The following GPRC6A variants were observed in gnomAD, a reference collection of about 807,000 sequenced individuals.
GPRC6A encodes G protein-coupled receptor class C group 6 member A.
Under a neutral mutation model 47.0 loss-of-function variants are expected in GPRC6A, and 54 were observed. The ratio of observed to expected loss-of-function variants is 1.15; its 90% CI spans 0.92 to 1.44. GPRC6A has a LOEUF of 1.44. GPRC6A is among the 40% of genes most tolerant of loss of function. GPRC6A has a pLI of 0.00. For missense variants in GPRC6A, 1,112 were observed against 1,105.5 expected (o/e 1.01, Z -0.08); for synonymous variants, 347 against 377.1 (o/e 0.92, Z 0.93).
At chr6:116,814,912 AG>A (rs1369866041) in intron 1 of GPRC6A, among the ~76,000 whole-genome samples, 2 of 152,216 alleles carry the variant, frequency 1.3e-5, no homozygotes, top group African/African-American at 4.8e-5. Context: ...AAAAACCAAA[AG>A]TGAGCAGAAG....
intron 1 of GPRC6A, among the ~76,000 whole-genome samples, chr6:116,826,723 A>T (rs1381219652): frequency 8.6e-5 from 13 of 151,972 alleles, no homozygotes; most frequent in Non-Finnish European, 1.5e-5. Flanking sequence ...AAAGGAAATC[A>T]GTATACTAAA....
At chr6:116,802,799 ACTT>A (rs779723247) in intron 3 of GPRC6A, among the ~76,000 whole-genome samples, 12 of 152,146 alleles carry the variant, frequency 7.9e-5, no homozygotes, top group African/African-American at 2.6e-4. Flanking sequence ...CACTAGAAAC[ACTT>A]CTTCTTACTA....
At chr6:116,811,879 G>T (rs904621433) in intron 1 of GPRC6A, among the ~76,000 whole-genome samples, 3 of 151,968 alleles carry the variant, frequency 2.0e-5, no homozygotes, top group Admixed American at 6.6e-5. Context: ...ATGGTATATG[G>T]AACACCATGA....
At chr6:116,818,219 C>T (rs1486255101) in intron 1 of GPRC6A, among the ~76,000 whole-genome samples, 6 of 151,990 alleles carry the variant, frequency 3.9e-5, no homozygotes, top group African/African-American at 7.2e-5. Flanking sequence ...AGAGTGGGGG[C>T]CAATATTCAA....
At position 116,807,329 on chromosome 6, in the gene GPRC6A, T is replaced by G. The variant is rs929627725; in HGVS notation, c.499-123A>C. 3 of 651,864 alleles carry G rather than the reference T, an allele frequency of 4.6e-6. No individual in the cohort carries two copies. In the African/African-American group the frequency reaches 5.4e-5, roughly 12 times the overall value. 40.4% of individuals were successfully genotyped at this position (651,864 alleles called of 1,614,324 possible). A position where few individuals can be genotyped will look rare whatever the true frequency, so the allele number is the denominator to read the frequency against. ...ACTTTCCTTAAATTCTCTAGTCTTT[T>G]TCATCCTTCTCCTTACTTAGCCCCT... On this transcript the variant is annotated intron_variant, in intron 2 of 5. Coordinates refer to ENST00000310357, the MANE Select transcript of GPRC6A (RefSeq NM_148963.4).
intron 1 of GPRC6A, among the ~76,000 whole-genome samples, chr6:116,828,577 T>C (rs747899525): frequency 1.3e-5 from 2 of 152,048 alleles, no homozygotes; most frequent in African/African-American, 2.4e-5. Context: ...AAAGGCAAAA[T>C]CTAAATTAAT....
Position 116,793,022 on chromosome 6 carries a change from T to A in GPRC6A, c.1901A>T (p.Tyr634Phe). 6.2e-7 allele frequency: 1 copy of A among 1,614,076 alleles called. No individual in the cohort carries two copies. Reference sequence around the variant, plus strand: ...GAGGAAATGACAGAGAAGGATCACATAGCAGACTCTTAATCCCCCGGATGA... The same window carrying A: ...GAGGAAATGACAGAGAAGGATCACAAAGCAGACTCTTAATCCCCCGGATGA... ...VKSSGGLRVC[Y>F]VILLCHFLNF... Residue 634 changes from tyrosine to phenylalanine, a missense_variant, in exon 6 of 6, where the codon TAT becomes TTT. Physicochemically the swap from Tyr to Phe is conservative, Grantham distance 22 (BLOSUM62 3). Transcript: ENST00000310357.
intron 4 of GPRC6A, among the ~76,000 whole-genome samples, chr6:116,799,932 G>A (rs1772607236): frequency 6.6e-6 from 1 of 152,164 alleles, no homozygotes; most frequent in Non-Finnish European, 1.5e-5. Context: ...AGGGGTACTG[G>A]CACAGATGTG....
intron 1 of GPRC6A, among the ~76,000 whole-genome samples, chr6:116,824,082 C>T (rs943355891): frequency 1.2e-4 from 18 of 151,908 alleles, no homozygotes; most frequent in Non-Finnish European, 2.6e-4. Context: ...ATACCAAAGC[C>T]AGTGGGATAC....
intron 1 of GPRC6A, among the ~76,000 whole-genome samples, chr6:116,826,186 A>G (rs1227489854): frequency 2.0e-5 from 3 of 151,902 alleles, no homozygotes; most frequent in Non-Finnish European, 4.4e-5. Flanking sequence ...AGAAAAATAG[A>G]CAAATGGTAG....
At chr6:116,826,077 A>T (rs1422270513) in intron 1 of GPRC6A, among the ~76,000 whole-genome samples, 1 of 151,926 alleles carries the variant, frequency 6.6e-6, no homozygotes, top group Admixed American at 6.6e-5. Context: ...AAGATCCCAA[A>T]TTACAAAACT....
In GPRC6A at chr6:116,828,957, C is replaced by T; in HGVS notation, c.57G>A (p.Gln19=). The T allele has an allele frequency of 6.2e-7, 1 of 1,613,148 alleles. No individual in the cohort carries two copies. Among genetic ancestry groups the T allele is most frequent in the East Asian group, 2.2e-5 (1 of 44,866 alleles). Residue 19 remains glutamine, a synonymous_variant, in exon 1 of 6, where the codon CAG becomes CAA. Transcript: ENST00000310357. ...CAAAGTCATCAGGGGTCTGGCAAGGCTGTGAAGTAGCAAGAATAATCACAA... is the reference window on the plus strand; with the variant it reads ...CAAAGTCATCAGGGGTCTGGCAAGGTTGTGAAGTAGCAAGAATAATCACAA... The part of the protein sequence containing the change: ...TCFVIILATS[Q]PCQTPDDFVA...
chr6:116,811,011 C>T (rs1037656824), intron 1 of GPRC6A, among the ~76,000 whole-genome samples: 4 of 152,106 alleles, frequency 2.6e-5, no homozygotes, highest in Non-Finnish European at 2.9e-5. Context: ...CCTGGTTTGA[C>T]CTAACACTGG....
At chr6:116,798,245 C>T (rs1362716517) in intron 4 of GPRC6A, among the ~76,000 whole-genome samples, 1 of 152,082 alleles carries the variant, frequency 6.6e-6, no homozygotes, top group Non-Finnish European at 1.5e-5. Flanking sequence ...AATAAGTGTC[C>T]AGGGAAGCTC....
intron 1 of GPRC6A, among the ~76,000 whole-genome samples, chr6:116,815,994 C>G (rs1479251190): frequency 6.6e-6 from 1 of 152,204 alleles, no homozygotes; most frequent in Non-Finnish European, 1.5e-5. Context: ...CATACACAAT[C>G]AAGGTGGAAG....
Position 116,828,738 on chromosome 6 carries a change from ATAT to A in GPRC6A, c.194+79_194+81del, listed in dbSNP as rs1773748105. ...GAGTTTATTTTTTTAAATGATTTAG[ATAT>A]TAATACAAGTTAACAGTTTATATGT... On this transcript the variant is annotated intron_variant, in intron 1 of 5. Coordinates refer to ENST00000310357, the MANE Select transcript of GPRC6A (RefSeq NM_148963.4). 5 of 1,102,002 alleles carry A rather than the reference ATAT, an allele frequency of 4.5e-6. No homozygotes were observed. The South Asian group carries it at 9.2e-5, about 20-fold the overall frequency. 68.3% of individuals were successfully genotyped at this position (1,102,002 alleles called of 1,614,324 possible).
chr6:116,795,268 G>A (rs1772442618), intron 5 of GPRC6A, among the ~76,000 whole-genome samples: 1 of 152,120 alleles, frequency 6.6e-6, no homozygotes, highest in Non-Finnish European at 1.5e-5. Flanking sequence ...TAATAAAAGT[G>A]CCAGGATGTG....
At chr6:116,824,620 T>G (rs1304628233) in intron 1 of GPRC6A, among the ~76,000 whole-genome samples, 3 of 151,864 alleles carry the variant, frequency 2.0e-5, no homozygotes, top group East Asian at 3.9e-4. Context: ...CAATAAATAA[T>G]AGCTCAGGAC....
chr6:116,795,287 T>A (rs1772443342), intron 5 of GPRC6A, among the ~76,000 whole-genome samples: 1 of 152,180 alleles, frequency 6.6e-6, no homozygotes, highest in Admixed American at 6.6e-5. Context: ...TGCACACCTG[T>A]TTCTTAACTC....
Sources: gnomAD v4.1 joint callset for allele counts (sites outside exome capture counted in the v4.1 genomes callset) on GRCh38, gnomAD v4.1.1 for gene constraint, MANE v1.5 for transcripts, NCBI Gene and HGNC (gene_info 2026-07-23, HGNC 2026-07-21) for gene names.